BBS9: variants seen among roughly 807,000 people sequenced by gnomAD.
BBS9 encodes the protein Bardet-Biedl syndrome 9, also known as protein PTHB1.
A neutral mutation model predicts 117.7 loss-of-function variants in BBS9; 89 were observed. That is an observed-to-expected ratio of 0.76 (90% confidence interval 0.64 to 0.90). BBS9 has a LOEUF of 0.90. Ranked by LOEUF, BBS9 falls within the 40% of genes least tolerant of loss-of-function variation. The pLI, the probability that BBS9 is intolerant of heterozygous loss-of-function variation, is 0.00. For missense variants in BBS9, 982 were observed against 1,042.2 expected, an observed-to-expected ratio of 0.94 and a Z score of 0.80; for synonymous variants, 379 against 370.9, an observed-to-expected ratio of 1.02 and a Z score of -0.25.
At chr7:33,141,043 A>ACAGTACAG (rs1791372353) in intron 1 of BBS9, among the ~76,000 whole-genome samples, 1 of 152,192 alleles carries the variant, frequency 6.6e-6, no homozygotes, top group Non-Finnish European at 1.5e-5. Context: ...CCCAATGAAA[A>ACAGTACAG]CAGTACAGTG....
intron 19 of BBS9, among the ~76,000 whole-genome samples, chr7:33,398,116 G>A (rs916633065): frequency 3.3e-5 from 5 of 152,076 alleles, no homozygotes; most frequent in African/African-American, 1.2e-4. Flanking sequence ...TGCCTGGTAC[G>A]GCACTATCTA....
chr7:33,387,374 C>T (rs930993948), intron 18 of BBS9, among the ~76,000 whole-genome samples: 2 of 152,068 alleles, frequency 1.3e-5, no homozygotes, highest in Non-Finnish European at 2.9e-5. Context: ...GTCTTTTTCT[C>T]ATTGATTTGT....
At chr7:33,287,856 C>A (rs1165061896) in intron 9 of BBS9, among the ~76,000 whole-genome samples, 1 of 152,020 alleles carries the variant, frequency 6.6e-6, no homozygotes, top group Non-Finnish European at 1.5e-5. Context: ...AAGGAAGAAA[C>A]CAGTCAGGCA....
intron 5 of BBS9, among the ~76,000 whole-genome samples, chr7:33,247,625 A>G (rs1795549498): frequency 6.6e-6 from 1 of 152,172 alleles, no homozygotes; most frequent in African/African-American, 2.4e-5. Flanking sequence ...TTACTTTAAT[A>G]TATCTCTGTT....
chr7:33,192,515 A>C (rs1353725946), intron 5 of BBS9, among the ~76,000 whole-genome samples: 3 of 152,228 alleles, frequency 2.0e-5, no homozygotes, highest in Non-Finnish European at 4.4e-5. Flanking sequence ...TGAACTGCAC[A>C]TAAGCTTCTG....
intron 19 of BBS9, among the ~76,000 whole-genome samples, chr7:33,438,488 G>A (rs1044524167): frequency 1.3e-5 from 2 of 152,196 alleles, no homozygotes; most frequent in Non-Finnish European, 2.9e-5. Flanking sequence ...TTAGGCAATG[G>A]ATATGTGTAG....
chr7:33,568,716 G>A (rs1183170813), intron 21 of BBS9, among the ~76,000 whole-genome samples: 1 of 152,078 alleles, frequency 6.6e-6, no homozygotes, highest in Non-Finnish European at 1.5e-5. Context: ...AAAACATGTT[G>A]AACAGTATAT....
chr7:33,486,290 C>A (rs1040087804), intron 19 of BBS9, among the ~76,000 whole-genome samples: 1 of 152,152 alleles, frequency 6.6e-6, no homozygotes, highest in Non-Finnish European at 1.5e-5. Context: ...TCAATGGCCT[C>A]CTGATGGATG....
intron 5 of BBS9, among the ~76,000 whole-genome samples, chr7:33,224,752 G>A (rs1790926206): frequency 6.6e-6 from 1 of 152,134 alleles, no homozygotes; most frequent in Non-Finnish European, 1.5e-5. Flanking sequence ...TAAATTTGTA[G>A]TTAGATGTAG....
chr7:33,562,974 C>G (rs976941939), intron 21 of BBS9, among the ~76,000 whole-genome samples: 1 of 152,116 alleles, frequency 6.6e-6, no homozygotes, highest in African/African-American at 2.4e-5. Flanking sequence ...CATATTTTTA[C>G]AAAACCAAGA....
At chr7:33,587,949 G>A (rs186003763) in intron 21 of BBS9, among the ~76,000 whole-genome samples, 9 of 152,146 alleles carry the variant, frequency 5.9e-5, no homozygotes, top group Admixed American at 5.9e-4. Context: ...ATAACTTGAT[G>A]CCCCAGTGGA....
intron 5 of BBS9, among the ~76,000 whole-genome samples, chr7:33,221,380 A>T (rs986307655): frequency 1.3e-5 from 2 of 152,140 alleles, no homozygotes; most frequent in Admixed American, 6.6e-5. Context: ...ATTTTGATTT[A>T]AAAAAATTGC....
intron 7 of BBS9, among the ~76,000 whole-genome samples, chr7:33,265,953 T>G (rs907358659): frequency 6.6e-6 from 1 of 152,142 alleles, no homozygotes; most frequent in South Asian, 2.1e-4. Flanking sequence ...AACTTACTGA[T>G]AATGGTAATT....
In BBS9 at chr7:33,586,812, C is replaced by T. The variant is rs545372757; in HGVS notation, c.2522-18053C>T. Among the ~76,000 whole-genome samples the T allele has an allele frequency of 1.3e-4, 20 of 152,142 alleles. No homozygotes were observed. The South Asian group carries it at 3.7e-3, about 28-fold the overall frequency. On this transcript the variant is annotated intron_variant, in intron 21 of 22. Coordinates refer to ENST00000242067, the MANE Select transcript of BBS9 (RefSeq NM_198428.3). ...CTATGCAGAAACAGAAAACCAGATA[C>T]CACATGTTCTCACTTATGAGTGGAA...
chr7:33,518,183 C>A (rs1305149295), intron 20 of BBS9, among the ~76,000 whole-genome samples: 1 of 151,352 alleles, frequency 6.6e-6, no homozygotes, highest in African/African-American at 2.4e-5. Context: ...ATTACTAAAG[C>A]ACTTTACTGT....
At chr7:33,496,657 A>G (rs1639245) in intron 19 of BBS9, among the ~76,000 whole-genome samples, 1 of 152,210 alleles carries the variant, frequency 6.6e-6, no homozygotes, top group South Asian at 2.1e-4. Flanking sequence ...ATATAATAGC[A>G]AAAACAGCTA....
At chr7:33,483,225 T>C (rs1364274116) in intron 19 of BBS9, among the ~76,000 whole-genome samples, 1 of 152,204 alleles carries the variant, frequency 6.6e-6, no homozygotes, top group African/African-American at 2.4e-5. Flanking sequence ...ATAGTGACCC[T>C]GTATATTGAC....
intron 21 of BBS9, among the ~76,000 whole-genome samples, chr7:33,591,961 C>T (rs758742904): frequency 1.2e-4 from 18 of 151,858 alleles, no homozygotes; most frequent in Non-Finnish European, 1.2e-4. Context: ...GTAGACTATC[C>T]GTGGTTTCAT....
At chr7:33,441,292 AT>A (rs887221235) in intron 19 of BBS9, among the ~76,000 whole-genome samples, 3 of 144,372 alleles carry the variant, frequency 2.1e-5, no homozygotes, top group Admixed American at 2.1e-4. Flanking sequence ...AAAAAAAAAA[AT>A]AAAATAAAAG....
Sources: allele counts gnomAD v4.1 joint callset (sites outside exome capture counted in the v4.1 genomes callset), GRCh38; gene constraint gnomAD v4.1.1; transcripts MANE v1.5; gene names NCBI Gene and HGNC (gene_info 2026-07-23, HGNC 2026-07-21).